HSPG2: variants seen among roughly 807,000 people sequenced by gnomAD.
The protein encoded by HSPG2 is basement membrane-specific heparan sulfate proteoglycan core protein.
Under a neutral mutation model 526.6 loss-of-function variants are expected in HSPG2, and 278 were observed. The observed-to-expected ratio is 0.53, with a 90% CI of 0.48 to 0.58. The LOEUF (loss-of-function observed/expected upper bound fraction) is 0.58, where lower values mean the gene tolerates loss of function less well. Among genes scored for constraint, HSPG2 ranks in the 20% least tolerant of loss-of-function variants. HSPG2 has a pLI of 0.00. For missense variants in HSPG2, 5,354 were observed against 6,099.5 expected, an observed-to-expected ratio of 0.88 and a Z score of 4.07; for synonymous variants, 2,465 against 2,555.4, an observed-to-expected ratio of 0.96 and a Z score of 1.07.
At chr1:21,921,875 C>A (rs544864966) in intron 1 of HSPG2, among the ~76,000 whole-genome samples, 15 of 152,230 alleles carry the variant, frequency 9.9e-5, no homozygotes, top group Middle Eastern at 3.4e-3. Context: ...GAGCCTTCGG[C>A]CCCCTGCACT....
chr1:21,867,105 T>G (rs1419965235), intron 33 of HSPG2, among the ~76,000 whole-genome samples: 1 of 137,336 alleles, frequency 7.3e-6, no homozygotes, highest in Non-Finnish European at 1.5e-5. Context: ...GGGGTCGCCC[T>G]ATGTTGCTCA....
chr1:21,914,478 C>T (rs549886380), intron 1 of HSPG2, among the ~76,000 whole-genome samples: 1 of 152,302 alleles, frequency 6.6e-6, no homozygotes, highest in East Asian at 1.9e-4. Context: ...GTAATTGTCT[C>T]TATCCCCCGG....
chr1:21,876,917 G>T (rs1641113731), intron 21 of HSPG2, among the ~76,000 whole-genome samples: 1 of 152,134 alleles, frequency 6.6e-6, no homozygotes, highest in Non-Finnish European at 1.5e-5. Flanking sequence ...AAATTAGCCT[G>T]GCGTGGTGGC....
rs1239360967 is a variant in HSPG2 at position 21,876,602 on chromosome 1, G to A, written c.2736C>T (p.His912=). The change falls in exon 22 of 97, where the codon CAC becomes CAT. Residue 912 remains histidine (H), a synonymous_variant. Transcript: ENST00000374695. ...AGCCATCGGGGTTTCGGGTACTCAG[G>A]TGGAAAGAGCCGTCAGCACATTCAT... ...LCNECADGSF[H]LSTRNPDGCL... The A allele has an allele frequency of 6.2e-7, 1 of 1,614,124 alleles. No individual in the cohort carries two copies. The highest frequency in any genetic ancestry group is 1.3e-5 in the African/African-American group (1 of 74,952).
rs771051568 is a variant in HSPG2 at position 21,827,928 on chromosome 1, A to G, written c.12533-9T>C. ...TATGCCATGTCCAGAGCCTATGGAGAAGGGCAGGGTCCAGTTGGTGGGCAT... is the reference window on the plus strand; with the variant it reads ...TATGCCATGTCCAGAGCCTATGGAGGAGGGCAGGGTCCAGTTGGTGGGCAT... On this transcript the variant is annotated splice_polypyrimidine_tract_variant and intron_variant, in intron 90 of 96. Coordinates refer to ENST00000374695, the MANE Select transcript of HSPG2 (RefSeq NM_005529.7). 5 of 1,605,028 alleles carry G rather than the reference A, an allele frequency of 3.1e-6. No homozygotes were observed. In the South Asian group the frequency reaches 5.6e-5, roughly 18 times the overall value.
intron 21 of HSPG2, 32 bp downstream of exon 21, chr1:21,878,154 G>T: frequency 1.9e-6 from 3 of 1,602,250 alleles, no homozygotes; most frequent in Non-Finnish European, 2.6e-6. Context: ...TGGGCCCAAG[G>T]CCCCTGGGTG....
At chr1:21,875,080 T>C (rs1572322701) in intron 25 of HSPG2, 78 bp from the exon 26 acceptor site, 1 of 1,026,480 alleles carries the variant, frequency 9.7e-7, no homozygotes, top group Non-Finnish European at 1.5e-6. Flanking sequence ...ACTGGCAGGG[T>C]CTTATTAGTC....
intron 71 of HSPG2, among the ~76,000 whole-genome samples, chr1:21,840,752 C>A (rs4654989): frequency 0.98 from 149,642 of 152,194 alleles, 73,622 homozygotes; most frequent in Middle Eastern, 1. Context: ...TCAGCCTCTC[C>A]AAGTGCTGGG....
At chr1:21,919,938 G>A (rs549171426) in intron 1 of HSPG2, among the ~76,000 whole-genome samples, 11 of 152,248 alleles carry the variant, frequency 7.2e-5, no homozygotes, top group South Asian at 2.1e-4. Flanking sequence ...ACAGAGTCTC[G>A]CTCTGTTGCC....
chr1:21,824,294 G>A lies in HSPG2; in HGVS notation c.12815+12C>T. The A allele has an allele frequency of 6.2e-7, 1 of 1,613,690 alleles. No individual in the cohort carries two copies. The highest frequency in any genetic ancestry group is 1.1e-5 in the South Asian group (1 of 91,078). ...AGGGAAGGGAGAGGAAGGGCCAGGTGCCAGGACCTACCTGAAGACAAGGTG... is the reference window on the plus strand; with the variant it reads ...AGGGAAGGGAGAGGAAGGGCCAGGTACCAGGACCTACCTGAAGACAAGGTG... On this transcript the variant is annotated intron_variant, in intron 94 of 96. Coordinates refer to ENST00000374695, the MANE Select transcript of HSPG2 (RefSeq NM_005529.7). The surrounding 1 kb of genome is among the most constrained non-coding windows in gnomAD (Gnocchi z 5.9).
At chr1:21,835,078 G>A (rs764976798) in intron 76 of HSPG2, 133 bp from the exon 77 acceptor site, 49 of 990,828 alleles carry the variant, frequency 4.9e-5, no homozygotes, top group Middle Eastern at 2.0e-4. Flanking sequence ...ACTTTTTCAT[G>A]CATTCACTCA....
intron 1 of HSPG2, among the ~76,000 whole-genome samples, chr1:21,903,626 A>T (rs1222413737): frequency 3.3e-5 from 5 of 152,166 alleles, no homozygotes; most frequent in Non-Finnish European, 7.3e-5. Flanking sequence ...AAAATAAAAT[A>T]AAAATAAATA....
At chr1:21,868,950 C>T (rs1640443459) in intron 33 of HSPG2, 3 of 975,854 alleles carry the variant, frequency 3.1e-6, no homozygotes, top group South Asian at 9.6e-5. Context: ...AGAGAGAAGC[C>T]TTCGTAGGAG....
chr1:21,862,034 C>T lies in HSPG2; in HGVS notation c.4822G>A (p.Glu1608Lys), dbSNP rs145789815. Residue 1608 changes from glutamate (E) to lysine (K), a missense_variant, in exon 38 of 97, where the codon GAG becomes AAG. By Grantham distance (56) the Glu-to-Lys change is moderately conservative (BLOSUM62 1). Coordinates refer to ENST00000374695, the MANE Select transcript of HSPG2 (RefSeq NM_005529.7). ...GGGCAGGCACAGGGCTGGCAGTCCTCAGGCGTCCCGGCTGTGGCATCTCCG... is the reference window on the plus strand; with the variant it reads ...GGGCAGGCACAGGGCTGGCAGTCCTTAGGCGTCCCGGCTGTGGCATCTCCG... ...YYGDATAGTP[E>K]DCQPCACPLT... 2 of 1,614,078 alleles carry T rather than the reference C, an allele frequency of 1.2e-6. No individual in the cohort carries two copies. Among genetic ancestry groups the T allele is most frequent in the Non-Finnish European group, 1.7e-6 (2 of 1,180,044 alleles).
At chr1:21,929,736 T>A (rs1469808818) in intron 1 of HSPG2, among the ~76,000 whole-genome samples, 1 of 152,086 alleles carries the variant, frequency 6.6e-6, no homozygotes, top group Non-Finnish European at 1.5e-5. Context: ...GCTCCATCCT[T>A]CGGGATGCTG....
At chr1:21,837,145 G>A (rs1322577784) in intron 74 of HSPG2, 139 bp from the exon 75 acceptor site, 6 of 784,156 alleles carry the variant, frequency 7.7e-6, no homozygotes, top group African/African-American at 1.7e-5. Flanking sequence ...AAAAAAGACC[G>A]TTCAGTGGCA....
chr1:21,831,733 G>C lies in HSPG2; in HGVS notation c.11271C>G (p.Phe3757Leu). The change falls in exon 82 of 97, where the codon TTC (phenylalanine) becomes TTG (leucine). Residue 3757 changes from phenylalanine to leucine, a missense_variant. Phe to Leu is a conservative substitution (Grantham distance 22). Transcript: ENST00000374695. ...GGCTGCGCAGCAGGGTCACGGTGTG[G>C]AAATGGCCCAGGGCCAGTGGTGTGG... ...RHPTPLALGH[F>L]HTVTLLRSLT... The C allele has an allele frequency of 6.2e-7, 1 of 1,606,686 alleles. No individual in the cohort carries two copies. Among genetic ancestry groups the C allele is most frequent in the Non-Finnish European group, 8.5e-7 (1 of 1,175,140 alleles).
rs1572356343 is a variant in HSPG2, at chr1:21,884,523, C to T, written c.1654+5G>A. ...CCCGCAGCGCTCACCCGCCCGCCAACGCACCCTTGAAGTCATCGGGTTGGT... is the reference window on the plus strand; with the variant it reads ...CCCGCAGCGCTCACCCGCCCGCCAATGCACCCTTGAAGTCATCGGGTTGGT... On this transcript the variant is annotated splice_donor_5th_base_variant and intron_variant, in intron 13 of 96. Coordinates refer to ENST00000374695, the MANE Select transcript of HSPG2 (RefSeq NM_005529.7). The T allele has an allele frequency of 1.2e-6, 2 of 1,611,106 alleles. No individual in the cohort carries two copies. The highest frequency in any genetic ancestry group is 1.7e-6 in the Non-Finnish European group (2 of 1,179,866).
intron 1 of HSPG2, among the ~76,000 whole-genome samples, chr1:21,919,554 C>A (rs1258254421): frequency 2.0e-5 from 3 of 152,124 alleles, no homozygotes; most frequent in Non-Finnish European, 4.4e-5. Flanking sequence ...AGGGAAGAAT[C>A]TGGGAAGAGT....
Sources: gnomAD v4.1 joint callset for allele counts (sites outside exome capture counted in the v4.1 genomes callset) on GRCh38, gnomAD v4.1.1 for gene constraint, Gnocchi (gnomAD v3.1) non-coding constraint, MANE v1.5 for transcripts, NCBI Gene and HGNC (gene_info 2026-07-23, HGNC 2026-07-21) for gene names.